The following GPATCH2 variants were observed in gnomAD, a reference collection of about 807,000 sequenced individuals.
GPATCH2 encodes the protein G patch domain-containing protein 2.
GPATCH2 carries 51 observed loss-of-function variants against 58.0 expected under a neutral mutation model. The ratio of observed to expected loss-of-function variants is 0.88; its 90% CI spans 0.70 to 1.11. GPATCH2 has a LOEUF of 1.11. GPATCH2 is among the 50% of genes most tolerant of loss of function. The pLI, the probability that GPATCH2 is intolerant of heterozygous loss-of-function variation, is 0.00. For missense variants in GPATCH2, 625 were observed against 652.2 expected, an observed-to-expected ratio of 0.96 and a Z score of 0.45; for synonymous variants, 222 against 218.5, an observed-to-expected ratio of 1.02 and a Z score of -0.14.
At chr1:217,568,773 A>G (rs1666394906) in intron 5 of GPATCH2, among the ~76,000 whole-genome samples, 1 of 152,220 alleles carries the variant, frequency 6.6e-6, no homozygotes, top group Non-Finnish European at 1.5e-5. Context: ...TTAGTGAGAC[A>G]GGAGGCCATT....
intron 5 of GPATCH2, among the ~76,000 whole-genome samples, chr1:217,594,996 A>T (rs1049158971): frequency 1.3e-5 from 2 of 152,200 alleles, no homozygotes; most frequent in African/African-American, 2.4e-5. Flanking sequence ...CAAACATATG[A>T]TTACAGTAAG....
intron 5 of GPATCH2, among the ~76,000 whole-genome samples, chr1:217,587,532 C>T (rs1667397279): frequency 6.6e-6 from 1 of 152,106 alleles, no homozygotes; most frequent in Non-Finnish European, 1.5e-5. Flanking sequence ...TTTGAGCAAA[C>T]CCAAACCAGG....
chr1:217,592,357 C>A (rs1667631612), intron 5 of GPATCH2, among the ~76,000 whole-genome samples: 1 of 151,916 alleles, frequency 6.6e-6, no homozygotes, highest in Non-Finnish European at 1.5e-5. Flanking sequence ...ATTTCAAACA[C>A]ATTTTTATTA....
rs147875256 is a variant in GPATCH2, at chr1:217,463,161, C to T, written c.1278-13824G>A. ...GAGATCATATTTTATTGTTACAGTACAAATTGGAAATAGAATAGATTTATT... is the reference window on the plus strand; with the variant it reads ...GAGATCATATTTTATTGTTACAGTATAAATTGGAAATAGAATAGATTTATT... On this transcript the variant is annotated intron_variant, in intron 8 of 9. Coordinates refer to ENST00000366935, the MANE Select transcript of GPATCH2 (RefSeq NM_018040.5). 2.0e-5 allele frequency among the ~76,000 whole-genome samples: 3 copies of T among 152,100 alleles called. No homozygotes were observed. In the East Asian group the frequency reaches 5.8e-4, roughly 29 times the overall value.
At chr1:217,596,219 GC>G (rs1667821259) in intron 5 of GPATCH2, among the ~76,000 whole-genome samples, 1 of 152,034 alleles carries the variant, frequency 6.6e-6, no homozygotes, top group South Asian at 2.1e-4. Flanking sequence ...ATAATGACTT[GC>G]CCAGTATATT....
chr1:217,624,879 A>G (rs1669376467), intron 1 of GPATCH2, among the ~76,000 whole-genome samples: 1 of 152,214 alleles, frequency 6.6e-6, no homozygotes, highest in African/African-American at 2.4e-5. Context: ...AATATTGGGT[A>G]ATATCTAAGA....
At chr1:217,621,146 ATC>A (rs985114348) in intron 1 of GPATCH2, among the ~76,000 whole-genome samples, 1 of 152,214 alleles carries the variant, frequency 6.6e-6, no homozygotes, top group African/African-American at 2.4e-5. Flanking sequence ...TTCTGAAGCA[ATC>A]TCTTAGGCTT....
At chr1:217,609,623 C>G in intron 5 of GPATCH2, 1 of 979,420 alleles carries the variant, frequency 1.0e-6, no homozygotes, top group Non-Finnish European at 1.2e-6. Context: ...ACCTTACCTA[C>G]TACTCATCTT....
intron 8 of GPATCH2, among the ~76,000 whole-genome samples, chr1:217,453,680 T>C (rs956210626): frequency 8.6e-5 from 13 of 151,762 alleles, no homozygotes; most frequent in African/African-American, 3.1e-4. Context: ...CCCAATAAAC[T>C]CAAAACAAAA....
At chr1:217,534,398 A>C (rs1474595029) in intron 5 of GPATCH2, among the ~76,000 whole-genome samples, 2 of 152,182 alleles carry the variant, frequency 1.3e-5, no homozygotes, top group East Asian at 3.8e-4. Context: ...ATTTAATCTT[A>C]TTATCAACTG....
chr1:217,512,818 G>C (rs1185235476), intron 6 of GPATCH2, among the ~76,000 whole-genome samples: 1 of 152,200 alleles, frequency 6.6e-6, no homozygotes, highest in Non-Finnish European at 1.5e-5. Flanking sequence ...TGATAAAACT[G>C]TGCAGTACCC....
intron 8 of GPATCH2, among the ~76,000 whole-genome samples, chr1:217,455,241 G>A (rs536679466): frequency 3.3e-5 from 5 of 152,184 alleles, no homozygotes; most frequent in Middle Eastern, 3.4e-3. Flanking sequence ...AGTTCTTTCA[G>A]AACTCGGTAA....
intron 8 of GPATCH2, among the ~76,000 whole-genome samples, chr1:217,470,627 C>T (rs1386337040): frequency 6.6e-6 from 1 of 151,924 alleles, no homozygotes; most frequent in African/African-American, 2.4e-5. Flanking sequence ...TTTCAGGATG[C>T]CAAAAGGACA....
At chr1:217,577,821 C>T (rs1451717538) in intron 5 of GPATCH2, among the ~76,000 whole-genome samples, 1 of 152,116 alleles carries the variant, frequency 6.6e-6, no homozygotes, top group African/African-American at 2.4e-5. Context: ...GATCTCAGCT[C>T]ATCGCAACCT....
chr1:217,598,684 C>A (rs1308217463), intron 5 of GPATCH2, among the ~76,000 whole-genome samples: 1 of 152,062 alleles, frequency 6.6e-6, no homozygotes, highest in Non-Finnish European at 1.5e-5. Flanking sequence ...CCAGGCTCGT[C>A]TCAAACTCCT....
At chr1:217,539,979 A>T (rs1037055008) in intron 5 of GPATCH2, among the ~76,000 whole-genome samples, 1 of 152,230 alleles carries the variant, frequency 6.6e-6, no homozygotes, top group Non-Finnish European at 1.5e-5. Context: ...TTTTGAGTTA[A>T]TAGGTTGGAC....
At chr1:217,548,221 G>T (rs945849311) in intron 5 of GPATCH2, among the ~76,000 whole-genome samples, 3 of 152,058 alleles carry the variant, frequency 2.0e-5, no homozygotes, top group Non-Finnish European at 4.4e-5. Flanking sequence ...AGAACACATG[G>T]ACACACAGAG....
chr1:217,505,370 AT>A (rs549511806), intron 6 of GPATCH2, among the ~76,000 whole-genome samples: 38 of 150,006 alleles, frequency 2.5e-4, no homozygotes, highest in Admixed American at 4.0e-4. Context: ...AGTAGAAATA[AT>A]TTTTTTTTTA....
At chr1:217,541,686 A>G (rs1021210418) in intron 5 of GPATCH2, among the ~76,000 whole-genome samples, 6 of 152,244 alleles carry the variant, frequency 3.9e-5, no homozygotes, top group Non-Finnish European at 8.8e-5. Context: ...CCTAAAAATT[A>G]GCAATAGTTA....
Sources: gnomAD v4.1 joint callset for allele counts (sites outside exome capture counted in the v4.1 genomes callset) on GRCh38, gnomAD v4.1.1 for gene constraint, MANE v1.5 for transcripts, NCBI Gene and HGNC (gene_info 2026-07-23, HGNC 2026-07-21) for gene names.